The following PLXNA4 variants were observed in gnomAD, a reference collection of about 807,000 sequenced individuals.
PLXNA4 encodes plexin-A4.
PLXNA4 carries 44 observed loss-of-function variants against 191.8 expected under a neutral mutation model. The observed-to-expected ratio is 0.23, with a 90% CI of 0.18 to 0.29. The LOEUF is 0.29. Ranked by LOEUF, PLXNA4 falls within the 10% of genes least tolerant of loss-of-function variation. The pLI is 1.00. For missense variants in PLXNA4, 1,800 were observed against 2,488.8 expected (o/e 0.72, Z 5.89); for synonymous variants, 1,082 against 1,009.5 (o/e 1.07, Z -1.36).
intron 25 of PLXNA4, among the ~76,000 whole-genome samples, chr7:132,157,057 C>A (rs1367424190): frequency 6.6e-6 from 1 of 152,214 alleles, no homozygotes; most frequent in East Asian, 1.9e-4. Context: ...CTTTGTTTCT[C>A]TCTGCTATCT....
At chr7:132,294,091 C>T (rs909508579) in intron 4 of PLXNA4, among the ~76,000 whole-genome samples, 2 of 152,206 alleles carry the variant, frequency 1.3e-5, no homozygotes, top group Non-Finnish European at 2.9e-5. Flanking sequence ...TATTAAGAAT[C>T]ATATAGCAAA....
intron 3 of PLXNA4, among the ~76,000 whole-genome samples, chr7:132,430,910 G>A (rs540389584): frequency 3.3e-5 from 5 of 152,220 alleles, no homozygotes; most frequent in African/African-American, 4.8e-5. Flanking sequence ...CGGCCACACC[G>A]CTGGGTGAAG....
At chr7:132,194,255 A>C (rs1171540019) in intron 13 of PLXNA4, 76 bp from the exon 14 acceptor site, 1 of 1,516,108 alleles carries the variant, frequency 6.6e-7, no homozygotes, top group African/African-American at 1.4e-5. Flanking sequence ...GCACCTACCC[A>C]GGTCCCTTTC....
At chr7:132,475,833 G>A (rs937447079) in intron 3 of PLXNA4, among the ~76,000 whole-genome samples, 2 of 152,198 alleles carry the variant, frequency 1.3e-5, no homozygotes, top group Non-Finnish European at 2.9e-5. Context: ...TTGAGGCACT[G>A]TCCATCTGGG....
intron 2 of PLXNA4, among the ~76,000 whole-genome samples, chr7:132,609,386 C>A (rs904029678): frequency 2.0e-5 from 3 of 152,096 alleles, no homozygotes; most frequent in African/African-American, 7.2e-5. Context: ...AGAGTAAAAG[C>A]CTCATCCTTC....
intron 2 of PLXNA4, among the ~76,000 whole-genome samples, chr7:132,490,757 T>C (rs1263221447): frequency 2.0e-5 from 3 of 152,096 alleles, no homozygotes; most frequent in Non-Finnish European, 4.4e-5. Flanking sequence ...CACCTACTAG[T>C]GTTCCTTAAA....
chr7:132,362,129 A>T (rs1803967624), intron 3 of PLXNA4, among the ~76,000 whole-genome samples: 1 of 152,150 alleles, frequency 6.6e-6, no homozygotes, highest in Non-Finnish European at 1.5e-5. Flanking sequence ...GGGCCCACTT[A>T]AGTCATAAGA....
At chr7:132,633,662 G>T (rs1331579586) in intron 2 of PLXNA4, among the ~76,000 whole-genome samples, 1 of 152,130 alleles carries the variant, frequency 6.6e-6, no homozygotes. Context: ...AATAGTTAAA[G>T]GCAAGGATCT....
intron 4 of PLXNA4, among the ~76,000 whole-genome samples, chr7:132,260,660 A>G (rs1371027276): frequency 6.6e-6 from 1 of 151,584 alleles, no homozygotes; most frequent in Non-Finnish European, 1.5e-5. Flanking sequence ...CATGTGTTGA[A>G]CCTAAAATAA....
chr7:132,437,403 T>C (rs1414782790), intron 3 of PLXNA4, among the ~76,000 whole-genome samples: 1 of 152,142 alleles, frequency 6.6e-6, no homozygotes, highest in Non-Finnish European at 1.5e-5. Context: ...CACGTGTGTG[T>C]GCATGTTTGC....
At chr7:132,264,580 A>G (rs868713518) in intron 4 of PLXNA4, among the ~76,000 whole-genome samples, 8 of 151,962 alleles carry the variant, frequency 5.3e-5, no homozygotes, top group African/African-American at 1.9e-4. Flanking sequence ...TGGGTTTATA[A>G]CACCACCTAA....
At chr7:132,524,669 G>A (rs1022033764) in intron 1 of PLXNA4, among the ~76,000 whole-genome samples, 4 of 152,034 alleles carry the variant, frequency 2.6e-5, no homozygotes, top group African/African-American at 4.8e-5. Context: ...TCTGCCTCCC[G>A]GGTTCATGCC....
At chr7:132,211,557 G>T (rs527337017) in intron 9 of PLXNA4, among the ~76,000 whole-genome samples, 1 of 152,206 alleles carries the variant, frequency 6.6e-6, no homozygotes, top group Non-Finnish European at 1.5e-5. Flanking sequence ...GACCATGTGA[G>T]AAGCTCCGCA....
At chr7:132,362,818 T>A (rs971721170) in intron 3 of PLXNA4, among the ~76,000 whole-genome samples, 1 of 152,176 alleles carries the variant, frequency 6.6e-6, no homozygotes, top group Admixed American at 6.5e-5. Flanking sequence ...TGTACATATA[T>A]GAATTTTGTA....
chr7:132,609,049 C>T (rs1049021004), intron 2 of PLXNA4, among the ~76,000 whole-genome samples: 2 of 152,166 alleles, frequency 1.3e-5, no homozygotes, highest in African/African-American at 2.4e-5. Flanking sequence ...TGAAATGCCC[C>T]TCATCCCTAA....
intron 3 of PLXNA4, among the ~76,000 whole-genome samples, chr7:132,445,169 A>AT: frequency 6.6e-6 from 1 of 150,452 alleles, no homozygotes; most frequent in African/African-American, 2.4e-5. Context: ...AAAAAAAAAA[A>AT]AAAAAAAAAA....
chr7:132,173,687 C>G (rs1238732781), intron 21 of PLXNA4, among the ~76,000 whole-genome samples: 1 of 152,210 alleles, frequency 6.6e-6, no homozygotes, highest in Non-Finnish European at 1.5e-5. Context: ...TAGACATTCC[C>G]TCAGGTGTCG....
chr7:132,342,130 T>C (rs1803053480), intron 3 of PLXNA4, among the ~76,000 whole-genome samples: 1 of 151,750 alleles, frequency 6.6e-6, no homozygotes, highest in Admixed American at 6.6e-5. Context: ...AAGCCAGCTC[T>C]GTCTCTTACT....
chr7:132,449,204 TA>T (rs2117291003), intron 3 of PLXNA4, among the ~76,000 whole-genome samples: 1 of 152,334 alleles, frequency 6.6e-6, no homozygotes, highest in South Asian at 2.1e-4. Flanking sequence ...CTCATTCCTG[TA>T]TTGTCCAGTT....
Sources: allele counts gnomAD v4.1 joint callset (sites outside exome capture counted in the v4.1 genomes callset), GRCh38; gene constraint gnomAD v4.1.1; transcripts MANE v1.5; gene names NCBI Gene and HGNC (gene_info 2026-07-23, HGNC 2026-07-21).